Variants in MACROD2 observed in about 807,000 individuals in gnomAD.
The protein encoded by MACROD2 is ADP-ribose glycohydrolase MACROD2.
In MACROD2, 36 loss-of-function variants were observed where a neutral mutation model predicts 70.4. The ratio of observed to expected loss-of-function variants is 0.51; its 90% CI spans 0.39 to 0.68. The LOEUF is 0.68. MACROD2 is among the 30% of genes least tolerant of loss of function. The pLI is 0.00. For synonymous variants in MACROD2, 172 were observed against 178.8 expected (o/e 0.96, Z 0.30); for missense variants, 496 against 538.4 (o/e 0.92, Z 0.78).
intron 6 of MACROD2, among the ~76,000 whole-genome samples, chr20:15,257,360 G>T (rs2077208535): frequency 6.6e-6 from 1 of 152,048 alleles, no homozygotes; most frequent in Non-Finnish European, 1.5e-5. Flanking sequence ...GCAGAGTCAT[G>T]AAATTGAATT....
chr20:14,706,179 T>C (rs936039261), intron 5 of MACROD2, among the ~76,000 whole-genome samples: 2 of 152,000 alleles, frequency 1.3e-5, no homozygotes, highest in African/African-American at 4.8e-5. Flanking sequence ...CTGGGTGTGG[T>C]GGCACACACC....
chr20:14,684,056 G>A (rs940061634), intron 4 of MACROD2, among the ~76,000 whole-genome samples: 5 of 152,242 alleles, frequency 3.3e-5, no homozygotes, highest in East Asian at 1.9e-4. Context: ...TGTCAAAGGC[G>A]CCCAGATGTA....
At chr20:14,007,594 A>T (rs761521055) in intron 2 of MACROD2, among the ~76,000 whole-genome samples, 18 of 152,206 alleles carry the variant, frequency 1.2e-4, no homozygotes, top group Non-Finnish European at 1.9e-4. Flanking sequence ...AAATGGGTGG[A>T]TGGGTAGATA....
At chr20:14,052,490 A>G (rs958065704) in intron 2 of MACROD2, among the ~76,000 whole-genome samples, 1 of 152,164 alleles carries the variant, frequency 6.6e-6, no homozygotes, top group Non-Finnish European at 1.5e-5. Flanking sequence ...TTAATTGGCT[A>G]TTTAACCATT....
intron 5 of MACROD2, among the ~76,000 whole-genome samples, chr20:14,743,734 C>A (rs1469849126): frequency 6.6e-6 from 1 of 152,156 alleles, no homozygotes; most frequent in Admixed American, 6.5e-5. Flanking sequence ...ATGTCCATAT[C>A]CTAATTCCCA....
At chr20:15,558,697 C>A (rs1427001895) in intron 8 of MACROD2, among the ~76,000 whole-genome samples, 1 of 152,148 alleles carries the variant, frequency 6.6e-6, no homozygotes, top group African/African-American at 2.4e-5. Context: ...ACTCTTCCTC[C>A]CATTGGCTGA....
chr20:15,263,446 T>G (rs1412699260), intron 6 of MACROD2, among the ~76,000 whole-genome samples: 2 of 152,212 alleles, frequency 1.3e-5, no homozygotes, highest in East Asian at 3.9e-4. Flanking sequence ...TGTAGCATAA[T>G]TTGAAGTCAA....
chr20:14,592,235 A>G (rs1429308123), intron 4 of MACROD2, among the ~76,000 whole-genome samples: 1 of 152,178 alleles, frequency 6.6e-6, no homozygotes, highest in Non-Finnish European at 1.5e-5. Context: ...GTTACATGAA[A>G]CTATCTGTAT....
chr20:15,225,728 G>T (rs945996845), intron 5 of MACROD2, among the ~76,000 whole-genome samples: 2 of 152,160 alleles, frequency 1.3e-5, no homozygotes, highest in Admixed American at 1.3e-4. Context: ...GCATTTCATA[G>T]TATAAATGAA....
chr20:15,094,939 C>A (rs898109415), intron 5 of MACROD2, among the ~76,000 whole-genome samples: 1 of 151,954 alleles, frequency 6.6e-6, no homozygotes, highest in Non-Finnish European at 1.5e-5. Context: ...TTAGCTTCTT[C>A]CCTGAGTTTG....
chr20:15,443,954 T>C (rs2046529020), intron 7 of MACROD2, among the ~76,000 whole-genome samples: 1 of 152,168 alleles, frequency 6.6e-6, no homozygotes, highest in Non-Finnish European at 1.5e-5. Flanking sequence ...GCCTAATCTT[T>C]TAGATGTGGT....
chr20:14,434,240 A>G (rs754044678), intron 3 of MACROD2, among the ~76,000 whole-genome samples: 21 of 152,226 alleles, frequency 1.4e-4, no homozygotes, highest in South Asian at 4.1e-4. Flanking sequence ...AAAAATTGCT[A>G]CAGCGTACCT....
In MACROD2 at chr20:14,709,540, G is replaced by A. The variant is rs368648384; in HGVS notation, c.418+24581G>A. ...TAGATTCAAATTTAATAGGTCTGGC[G>A]TCAAATTTCTGAACCCATCACAAAG... On this transcript the variant is annotated intron_variant, in intron 5 of 17. Transcript: ENST00000684519. 4.9e-4 allele frequency among the ~76,000 whole-genome samples: 75 copies of A among 152,148 alleles called. 1 individual carries two copies. The highest frequency in any genetic ancestry group is 1.6e-3 in the African/African-American group (68 of 41,508).
At chr20:14,149,455 A>G (rs939516812) in intron 3 of MACROD2, among the ~76,000 whole-genome samples, 1 of 152,154 alleles carries the variant, frequency 6.6e-6, no homozygotes, top group Non-Finnish European at 1.5e-5. Context: ...GTGAATCTAC[A>G]TATGTACATA....
intron 2 of MACROD2, among the ~76,000 whole-genome samples, chr20:14,034,882 T>A (rs2053289055): frequency 6.6e-6 from 1 of 152,210 alleles, no homozygotes; most frequent in Non-Finnish European, 1.5e-5. Flanking sequence ...ATTTTTTCCA[T>A]TTTACTTATT....
chr20:15,203,309 A>T (rs2076673504), intron 5 of MACROD2, among the ~76,000 whole-genome samples: 1 of 152,106 alleles, frequency 6.6e-6, no homozygotes, highest in Non-Finnish European at 1.5e-5. Flanking sequence ...TTGTTTGGGG[A>T]TTGAATCAAT....
intron 15 of MACROD2, among the ~76,000 whole-genome samples, chr20:16,021,003 CA>C (rs1302381639): frequency 6.6e-6 from 1 of 152,096 alleles, no homozygotes; most frequent in Non-Finnish European, 1.5e-5. Context: ...GGCGGGTCAA[CA>C]AAGATCTCTC....
intron 8 of MACROD2, among the ~76,000 whole-genome samples, chr20:15,794,448 A>G (rs917015832): frequency 1.3e-5 from 2 of 152,214 alleles, no homozygotes; most frequent in African/African-American, 4.8e-5. Context: ...ACCTGAGCAA[A>G]CAGGCATTGC....
intron 5 of MACROD2, among the ~76,000 whole-genome samples, chr20:14,977,086 A>C (rs1475458549): frequency 6.6e-6 from 1 of 152,112 alleles, no homozygotes; most frequent in African/African-American, 2.4e-5. Context: ...GGTTTGTGTC[A>C]CTATGGTTCC....
Sources: gnomAD v4.1 joint callset for allele counts (sites outside exome capture counted in the v4.1 genomes callset) on GRCh38, gnomAD v4.1.1 for gene constraint, MANE v1.5 for transcripts, NCBI Gene and HGNC (gene_info 2026-07-23, HGNC 2026-07-21) for gene names.